CNBD2: variants seen among roughly 807,000 people sequenced by gnomAD.
The protein encoded by CNBD2 is cyclic nucleotide binding domain containing 2.
CNBD2 carries 64 observed loss-of-function variants against 63.7 expected under a neutral mutation model. The ratio of observed to expected loss-of-function variants is 1.00; its 90% confidence interval spans 0.82 to 1.24. The LOEUF is 1.24. Ranked by LOEUF, CNBD2 falls within the 50% of genes most tolerant of loss-of-function variation. The pLI, the probability that CNBD2 is intolerant of heterozygous loss-of-function variation, is 0.00. For synonymous variants in CNBD2, 229 were observed against 255.4 expected (o/e 0.90, Z 0.99); for missense variants, 691 against 713.5 (o/e 0.97, Z 0.36).
chr20:36,011,279 T>C, intron 10 of CNBD2, 22 bp downstream of exon 10: 1 of 1,520,914 alleles, frequency 6.6e-7, no homozygotes, highest in Non-Finnish European at 8.8e-7. Flanking sequence ...AAGAGCTCTG[T>C]TCACCATGGA....
At chr20:36,023,874 G>A (rs2057252079) in intron 11 of CNBD2, 103 bp downstream of exon 11, 2 of 1,030,320 alleles carry the variant, frequency 1.9e-6, no homozygotes, top group Admixed American at 2.6e-5. Flanking sequence ...TTGCTGACAA[G>A]GGTGAAATGA....
intron 10 of CNBD2, among the ~76,000 whole-genome samples, chr20:36,020,561 A>G (rs887612057): frequency 6.6e-6 from 1 of 152,216 alleles, no homozygotes; most frequent in African/African-American, 2.4e-5. Context: ...CCATTTCATC[A>G]TCATTGCTAT....
At chr20:35,959,306 C>T (rs1476473690), downstream of CNBD2, 1 of 144,080 alleles carries the variant, frequency 6.9e-6, no homozygotes, top group African/African-American at 2.7e-5. Flanking sequence ...TTTTAAAAGT[C>T]ACAGGCATTG....
At chr20:36,023,801 T>A in intron 11 of CNBD2, 30 bp downstream of exon 11, 1 of 1,534,148 alleles carries the variant, frequency 6.5e-7, no homozygotes, top group Non-Finnish European at 8.8e-7. Flanking sequence ...GTAAGTCCCA[T>A]CAGGTGAAAT....
upstream of CNBD2, chr20:35,954,527 G>C (rs1049569361): frequency 1.3e-6 from 2 of 1,522,330 alleles, no homozygotes; most frequent in Non-Finnish European, 1.8e-6. Flanking sequence ...GCGAGCACCC[G>C]GAAGCCGCTT....
chr20:35,975,157 A>G (rs1347102397), intron 2 of CNBD2, among the ~76,000 whole-genome samples: 12 of 130,430 alleles, frequency 9.2e-5, no homozygotes, highest in Non-Finnish European at 1.9e-4. Flanking sequence ...GCCCGCTACC[A>G]CGCCCGGCTA....
At chr20:36,015,676 A>T (rs2057123921) in intron 10 of CNBD2, among the ~76,000 whole-genome samples, 1 of 152,234 alleles carries the variant, frequency 6.6e-6, no homozygotes, top group African/African-American at 2.4e-5. Flanking sequence ...AAGATCTCCC[A>T]ATGGTCAAAG....
upstream of CNBD2, chr20:35,954,442 G>A (rs146120217): frequency 2.1e-3 from 3,195 of 1,549,664 alleles, 8 homozygotes; most frequent in Non-Finnish European, 2.2e-3. Context: ...AGTGTGCGGA[G>A]CTTACCTGCA....
intron 3 of CNBD2, among the ~76,000 whole-genome samples, chr20:35,979,948 G>C (rs1029087088): frequency 6.6e-6 from 1 of 152,208 alleles, no homozygotes; most frequent in Non-Finnish European, 1.5e-5. Context: ...GGTGGGAGTG[G>C]TAGGTGAACG....
downstream of CNBD2, among the ~76,000 whole-genome samples, chr20:35,958,392 A>G (rs528594123): frequency 6.6e-6 from 1 of 152,344 alleles, no homozygotes; most frequent in East Asian, 1.9e-4. Context: ...AGATCGTGCC[A>G]CTGCACTCCA....
intron 1 of CNBD2, among the ~76,000 whole-genome samples, chr20:35,971,157 C>A (rs1381746454): frequency 6.6e-6 from 1 of 150,924 alleles, no homozygotes; most frequent in Non-Finnish European, 1.5e-5. Flanking sequence ...CCGTGTTAGC[C>A]GGGATGGTCT....
intron 2 of CNBD2, 92 bp downstream of exon 2, chr20:35,972,858 A>G: frequency 7.8e-7 from 1 of 1,289,516 alleles, no homozygotes; most frequent in South Asian, 1.3e-5. Flanking sequence ...ACTGAGAAAG[A>G]AGACAAAAGG....
chr20:35,995,978 C>T (rs554080541), intron 8 of CNBD2, among the ~76,000 whole-genome samples: 9 of 152,218 alleles, frequency 5.9e-5, no homozygotes, highest in South Asian at 4.1e-4. Context: ...TTCAGAGTCC[C>T]GGGGCAGCAA....
chr20:36,002,067 G>A (rs2056918670), intron 8 of CNBD2, among the ~76,000 whole-genome samples: 2 of 152,230 alleles, frequency 1.3e-5, no homozygotes, highest in African/African-American at 4.8e-5. Context: ...GGAGGTTGTA[G>A]TGAGCTGAGA....
chr20:35,969,049 T>C (rs2056375720), intron 1 of CNBD2, among the ~76,000 whole-genome samples: 1 of 152,166 alleles, frequency 6.6e-6, no homozygotes, highest in South Asian at 2.1e-4. Context: ...GTACCCACTC[T>C]TCCTGCTATT....
At chr20:35,997,101 T>C (rs2056835533) in intron 8 of CNBD2, among the ~76,000 whole-genome samples, 1 of 152,142 alleles carries the variant, frequency 6.6e-6, no homozygotes, top group African/African-American at 2.4e-5. Flanking sequence ...GTAATGGCAT[T>C]TTTATTTATT....
rs771929021 is a variant in CNBD2, at chr20:35,984,741, G to T, written c.679G>T (p.Val227Phe). The T allele has an allele frequency of 1.9e-6, 3 of 1,614,220 alleles. No homozygotes were observed. The highest frequency in any genetic ancestry group is 1.7e-6 in the Non-Finnish European group (2 of 1,180,028). Reference protein sequence around the residue: ...DFFANKLDQEVQKDAQYRFEF... With the variant: ...DFFANKLDQEFQKDAQYRFEF... ...CTTTGCTAATAAGCTGGACCAGGAA[G>T]TTCAGAAGGATGCTCAGTATCGGTT... is the stretch of plus-strand genomic sequence containing the variant. The change falls in exon 6 of 12, where the codon GTT (valine) becomes TTT (phenylalanine). Residue 227 changes from valine to phenylalanine, a missense_variant. Transcript: ENST00000373973.
chr20:35,962,067 G>A (rs531989606), intron 2 of CNBD2, among the ~76,000 whole-genome samples: 143 of 152,238 alleles, frequency 9.4e-4, no homozygotes, highest in African/African-American at 3.3e-3. Context: ...CAGCCATAGC[G>A]TTCTCTATTG....
At chr20:35,966,689 C>T (rs189592045), upstream of CNBD2, among the ~76,000 whole-genome samples, 267 of 152,006 alleles carry the variant, frequency 1.8e-3, 2 homozygotes, top group Non-Finnish European at 2.6e-3. Flanking sequence ...ACTTATGGGA[C>T]AGTACTATGC....
Sources: allele counts gnomAD v4.1 joint callset (sites outside exome capture counted in the v4.1 genomes callset), GRCh38; gene constraint gnomAD v4.1.1; transcripts MANE v1.5; gene names NCBI Gene and HGNC (gene_info 2026-07-23, HGNC 2026-07-21).